RPS6KC1: variants seen among roughly 807,000 people sequenced by gnomAD.
RPS6KC1 encodes the protein inactive ribosomal protein S6 kinase delta-1.
A neutral mutation model predicts 103.8 loss-of-function variants in RPS6KC1; 54 were observed. The ratio of observed to expected loss-of-function variants is 0.52; its 90% CI spans 0.42 to 0.65. The LOEUF (loss-of-function observed/expected upper bound fraction) is 0.65. Ranked by LOEUF, RPS6KC1 falls within the 30% of genes least tolerant of loss-of-function variation. The pLI, the probability that RPS6KC1 is intolerant of heterozygous loss-of-function variation, is 0.00. For missense variants in RPS6KC1, 1,151 were observed against 1,253.8 expected (o/e 0.92, Z 1.24); for synonymous variants, 439 against 438.7 (o/e 1.00, Z -0.01).
the RPS6KC1 span, among the ~76,000 whole-genome samples, chr1:213,376,875 G>A: frequency 6.6e-6 from 1 of 152,220 alleles, no homozygotes; most frequent in Non-Finnish European, 1.5e-5. Context: ...GAAGTAGTGC[G>A]AGATAATACA....
intron 3 of RPS6KC1, among the ~76,000 whole-genome samples, chr1:213,095,932 T>C (rs928019949): frequency 6.6e-6 from 1 of 152,214 alleles, no homozygotes; most frequent in Non-Finnish European, 1.5e-5. Context: ...GTTGGGGTAG[T>C]TGTGGCAATT....
the RPS6KC1 span, among the ~76,000 whole-genome samples, chr1:213,374,154 C>A: frequency 6.6e-6 from 1 of 152,176 alleles, no homozygotes; most frequent in Non-Finnish European, 1.5e-5. Flanking sequence ...CCTCATGTAT[C>A]AATTTCTCTA....
At chr1:213,572,357 C>A in the RPS6KC1 span, among the ~76,000 whole-genome samples, 1 of 152,236 alleles carries the variant, frequency 6.6e-6, no homozygotes, top group Admixed American at 6.5e-5. Flanking sequence ...CTATTCCTCC[C>A]TTCCACAGGA....
intron 6 of RPS6KC1, among the ~76,000 whole-genome samples, chr1:213,138,800 A>G (rs1189699897): frequency 2.0e-5 from 3 of 152,130 alleles, no homozygotes; most frequent in African/African-American, 7.2e-5. Flanking sequence ...GTTATTGTAA[A>G]TAGTGTTGTG....
At chr1:213,243,463 C>T (rs993327960) in intron 12 of RPS6KC1, among the ~76,000 whole-genome samples, 2 of 152,080 alleles carry the variant, frequency 1.3e-5, no homozygotes, top group South Asian at 4.1e-4. Flanking sequence ...AGTGATGTGC[C>T]AACCTGGCAT....
At chr1:213,534,178 C>T in the RPS6KC1 span, among the ~76,000 whole-genome samples, 1 of 152,104 alleles carries the variant, frequency 6.6e-6, no homozygotes, top group African/African-American at 2.4e-5. Flanking sequence ...GTGCTGTGAT[C>T]AATTAGTGAT....
In RPS6KC1 at chr1:213,252,864, A is replaced by C. The variant is rs1316545783; in HGVS notation, c.2912-8694A>C. 2.0e-5 allele frequency among the ~76,000 whole-genome samples: 3 copies of C among 152,184 alleles called. No homozygotes were observed. The East Asian group carries it at 5.8e-4, about 29-fold the overall frequency. On this transcript the variant is annotated intron_variant, in intron 12 of 14. Transcript: ENST00000366960. ...TGCTATTTGGATAAAGCATTATGTT[A>C]CTTATGTGATAAATTCTTCCAGCAT...
chr1:213,492,947 G>T, the RPS6KC1 span, among the ~76,000 whole-genome samples: 2 of 152,190 alleles, frequency 1.3e-5, no homozygotes, highest in African/African-American at 2.4e-5. Context: ...AAGTAGAGCC[G>T]CATTCTAGAA....
chr1:213,345,177 C>G, the RPS6KC1 span, among the ~76,000 whole-genome samples: 1 of 152,126 alleles, frequency 6.6e-6, no homozygotes, highest in Non-Finnish European at 1.5e-5. Context: ...GAAATATAAT[C>G]TACATTCATA....
the RPS6KC1 span, among the ~76,000 whole-genome samples, chr1:213,378,014 A>C: frequency 6.6e-6 from 1 of 152,212 alleles, no homozygotes; most frequent in East Asian, 1.9e-4. Context: ...AGCAAGGTTT[A>C]AGCCCCTTGA....
At chr1:213,628,719 T>C in the RPS6KC1 span, among the ~76,000 whole-genome samples, 2 of 152,304 alleles carry the variant, frequency 1.3e-5, no homozygotes, top group Admixed American at 6.5e-5. Context: ...TGTGGGCATT[T>C]AGTGCTATAA....
the RPS6KC1 span, among the ~76,000 whole-genome samples, chr1:213,284,095 A>G: frequency 1.3e-5 from 2 of 152,376 alleles, no homozygotes; most frequent in South Asian, 2.1e-4. Context: ...GAGCTGAAAG[A>G]TATTTTAAAA....
chr1:213,686,950 C>G, the RPS6KC1 span, among the ~76,000 whole-genome samples: 1 of 126,574 alleles, frequency 7.9e-6, no homozygotes, highest in South Asian at 2.3e-4. Context: ...GGGGTAACTT[C>G]CAGATGTTGC....
the RPS6KC1 span, among the ~76,000 whole-genome samples, chr1:213,621,346 C>T: frequency 4.1e-5 from 6 of 146,148 alleles, no homozygotes; most frequent in African/African-American, 1.5e-4. Flanking sequence ...ATTCTTGAGG[C>T]TAGGAGTTCA....
At chr1:213,823,686 C>T in the RPS6KC1 span, among the ~76,000 whole-genome samples, 1 of 149,706 alleles carries the variant, frequency 6.7e-6, no homozygotes, top group East Asian at 2.0e-4. Flanking sequence ...TTTTATTCTT[C>T]GTGCAGTGAC....
In RPS6KC1 at chr1:213,073,790, C is replaced by G. The variant is rs541825595; in HGVS notation, c.141+2749C>G. On this transcript the variant is annotated intron_variant, in intron 2 of 14. Coordinates refer to ENST00000366960, the MANE Select transcript of RPS6KC1 (RefSeq NM_012424.6). ...TCCCGGGCTCAAGTGATTCTCCTGCCTCAGCCTCCTGAATAGCTGGGACTA... is the reference window on the plus strand; with the variant it reads ...TCCCGGGCTCAAGTGATTCTCCTGCGTCAGCCTCCTGAATAGCTGGGACTA... 5.3e-5 allele frequency among the ~76,000 whole-genome samples: 8 copies of G among 152,214 alleles called. No individual in the cohort carries two copies. In the South Asian group the frequency reaches 1.7e-3, roughly 32 times the overall value.
At chr1:213,795,586 C>G in the RPS6KC1 span, among the ~76,000 whole-genome samples, 1 of 152,110 alleles carries the variant, frequency 6.6e-6, no homozygotes, top group African/African-American at 2.4e-5. Flanking sequence ...AGGTGAATTT[C>G]TGGCTCCAAC....
chr1:213,197,214 T>A (rs1275500045), intron 8 of RPS6KC1, among the ~76,000 whole-genome samples: 1 of 152,206 alleles, frequency 6.6e-6, no homozygotes, highest in Non-Finnish European at 1.5e-5. Context: ...AGTTGGGTAA[T>A]GTGATGCCTC....
chr1:213,667,447 A>T, the RPS6KC1 span, among the ~76,000 whole-genome samples: 3 of 152,184 alleles, frequency 2.0e-5, no homozygotes, highest in Non-Finnish European at 4.4e-5. Context: ...TTGTGTTTTT[A>T]AAAAATGTAC....
Sources: allele counts gnomAD v4.1 joint callset (sites outside exome capture counted in the v4.1 genomes callset), GRCh38; gene constraint gnomAD v4.1.1; transcripts MANE v1.5; gene names NCBI Gene and HGNC (gene_info 2026-07-23, HGNC 2026-07-21).